The following FOXP2 variants were observed in gnomAD, a reference collection of about 807,000 sequenced individuals.
The protein encoded by FOXP2 is forkhead box P2, also known as forkhead box protein P2.
In FOXP2, 12 loss-of-function variants were observed where a neutral mutation model predicts 115.8. The observed-to-expected ratio is 0.10, with a 90% confidence interval of 0.07 to 0.17. FOXP2 has a LOEUF of 0.17. Ranked by LOEUF, FOXP2 falls within the 10% of genes least tolerant of loss-of-function variation. FOXP2 has a pLI of 1.00. For missense variants in FOXP2, 629 were observed against 843.5 expected, an observed-to-expected ratio of 0.75 and a Z score of 3.15; for synonymous variants, 328 against 297.7, an observed-to-expected ratio of 1.10 and a Z score of -1.05.
intron 2 of FOXP2, among the ~76,000 whole-genome samples, chr7:114,530,112 A>G (rs1218935818): frequency 6.6e-6 from 1 of 151,884 alleles, no homozygotes; most frequent in Non-Finnish European, 1.5e-5. Flanking sequence ...ACCCCTTGTC[A>G]GTATAACTAG....
chr7:114,184,973 C>T (rs1793553961), intron 1 of FOXP2, among the ~76,000 whole-genome samples: 1 of 152,104 alleles, frequency 6.6e-6, no homozygotes. Context: ...TGTTGACTGT[C>T]CTATGTTACG....
At chr7:114,474,084 G>T (rs1251371629) in intron 2 of FOXP2, among the ~76,000 whole-genome samples, 1 of 152,162 alleles carries the variant, frequency 6.6e-6, no homozygotes, top group African/African-American at 2.4e-5. Flanking sequence ...ACATAAGGTA[G>T]ATATAAACCT....
rs1219589831 is a variant in FOXP2 at position 114,652,235 on chromosome 7, G to A, written c.1127G>A (p.Arg376Gln). 1 of 1,612,858 alleles carries A rather than the reference G, an allele frequency of 6.2e-7. No homozygotes were observed. The highest frequency in any genetic ancestry group is 1.3e-5 in the African/African-American group (1 of 74,806). Residue 376 changes from arginine to glutamine, a missense_variant, in exon 9 of 17, where the codon CGA (arginine) becomes CAA (glutamine). Physicochemically the swap from Arg to Gln is conservative, Grantham distance 43. This residue lies in a region of FOXP2 where 24 missense variants were observed against 76.3 expected (regional missense o/e 0.31). Coordinates refer to ENST00000350908, the MANE Select transcript of FOXP2 (RefSeq NM_014491.4). Reference sequence around the variant, plus strand: ...AACAATGAACACGCATTGGATGACCGAAGCACTGCTCAGTGTCGAGTGCAA... The same window carrying A: ...AACAATGAACACGCATTGGATGACCAAAGCACTGCTCAGTGTCGAGTGCAA... ...HLNNEHALDD[R>Q]STAQCRVQMQ...
chr7:114,344,036 A>G (rs1791277909), intron 2 of FOXP2, among the ~76,000 whole-genome samples: 1 of 151,036 alleles, frequency 6.6e-6, no homozygotes, highest in African/African-American at 2.4e-5. Context: ...AACAGCAGTG[A>G]TTTTTGTCTG....
chr7:114,479,378 G>A (rs1286746421), intron 2 of FOXP2, among the ~76,000 whole-genome samples: 1 of 151,462 alleles, frequency 6.6e-6, no homozygotes, highest in Non-Finnish European at 1.5e-5. Context: ...TAGAAATGCT[G>A]TGTGTTACGC....
At chr7:114,333,259 T>G (rs1474598623) in intron 2 of FOXP2, among the ~76,000 whole-genome samples, 5 of 152,220 alleles carry the variant, frequency 3.3e-5, no homozygotes, top group Non-Finnish European at 5.9e-5. Context: ...GAAGAATTGT[T>G]AACCAGCTGG....
chr7:114,183,234 A>C (rs1793502736), intron 1 of FOXP2, among the ~76,000 whole-genome samples: 1 of 152,212 alleles, frequency 6.6e-6, no homozygotes, highest in Admixed American at 6.6e-5. Flanking sequence ...TTTTTAATCT[A>C]TGCAATAATC....
intron 1 of FOXP2, among the ~76,000 whole-genome samples, chr7:114,116,896 A>G (rs1196191402): frequency 1.3e-5 from 2 of 152,146 alleles, no homozygotes; most frequent in African/African-American, 4.8e-5. Context: ...CTGAATCTCA[A>G]GTCCCACCCA....
At chr7:114,381,117 T>C (rs1222541371) in intron 2 of FOXP2, among the ~76,000 whole-genome samples, 1 of 152,256 alleles carries the variant, frequency 6.6e-6, no homozygotes, top group Non-Finnish European at 1.5e-5. Context: ...GTCATACCTG[T>C]GAATCCATAT....
At chr7:114,598,536 A>G (rs1693681086) in intron 3 of FOXP2, among the ~76,000 whole-genome samples, 1 of 151,950 alleles carries the variant, frequency 6.6e-6, no homozygotes, top group South Asian at 2.1e-4. Context: ...TATGTTATTT[A>G]GATTCACCTA....
chr7:114,440,481 C>G (rs541909926), intron 2 of FOXP2, among the ~76,000 whole-genome samples: 1 of 151,972 alleles, frequency 6.6e-6, no homozygotes, highest in Non-Finnish European at 1.5e-5. Flanking sequence ...TTCCTGAAGT[C>G]GTTATATTAT....
chr7:114,617,661 C>T lies in FOXP2; in HGVS notation c.259-10879C>T, dbSNP rs192125550. On this transcript the variant is annotated intron_variant, in intron 3 of 16. Coordinates refer to ENST00000350908, the MANE Select transcript of FOXP2 (RefSeq NM_014491.4). The stretch of plus-strand genomic sequence containing the variant: ...TACAAAAATTAGCCAGGCATGATGG[C>T]GGGTGCCTGTAATCCCAGCTATTCC... Among the ~76,000 whole-genome samples, 238 of 152,240 alleles carry T rather than the reference C, an allele frequency of 1.6e-3. 1 individual carries two copies. The highest frequency in any genetic ancestry group is 2.7e-3 in the Non-Finnish European group (185 of 68,018).
At chr7:114,247,202 G>T (rs1470141961) in intron 1 of FOXP2, among the ~76,000 whole-genome samples, 1 of 152,052 alleles carries the variant, frequency 6.6e-6, no homozygotes, top group East Asian at 1.9e-4. Flanking sequence ...GTGTAATACA[G>T]GTTTGTTCTT....
intron 3 of FOXP2, among the ~76,000 whole-genome samples, chr7:114,589,309 T>C (rs1439579807): frequency 6.6e-6 from 1 of 152,168 alleles, no homozygotes; most frequent in Non-Finnish European, 1.5e-5. Context: ...TTAATATGAT[T>C]AGTATGTGAA....
intron 2 of FOXP2, among the ~76,000 whole-genome samples, chr7:114,458,957 G>T (rs73434183): frequency 0.011 from 1,687 of 152,164 alleles, 15 homozygotes; most frequent in Middle Eastern, 0.031. Context: ...GGTCACTCAC[G>T]TGGTGGCTGG....
chr7:114,614,102 C>T (rs1803789570), intron 3 of FOXP2, among the ~76,000 whole-genome samples: 1 of 152,114 alleles, frequency 6.6e-6, no homozygotes, highest in African/African-American at 2.4e-5. Flanking sequence ...AGTAGAATTC[C>T]TAGGTCAAAG....
At chr7:114,680,115 A>C (rs951166185) in intron 16 of FOXP2, among the ~76,000 whole-genome samples, 3 of 152,188 alleles carry the variant, frequency 2.0e-5, no homozygotes, top group African/African-American at 7.2e-5. Flanking sequence ...ATTACTCAAT[A>C]CTTCTTTTCC....
intron 2 of FOXP2, among the ~76,000 whole-genome samples, chr7:114,479,376 CTG>C (rs1326221204): frequency 6.6e-6 from 1 of 151,388 alleles, no homozygotes; most frequent in Non-Finnish European, 1.5e-5. Context: ...ATTAGAAATG[CTG>C]TGTGTTACGC....
rs1584472623 is a variant in FOXP2, at chr7:114,090,450, C to G, written c.-247+2612C>G. Among the ~76,000 whole-genome samples, 6 of 151,932 alleles carry G rather than the reference C, an allele frequency of 3.9e-5. No individual in the cohort carries two copies. In the South Asian group the frequency reaches 1.0e-3, roughly 26 times the overall value. The stretch of plus-strand genomic sequence containing the variant: ...CTCTTTGATAAAAGAAAGCCTGTAT[C>G]TTAAAATTGGCCTAATGAGAGTTTA... On this transcript the variant is annotated intron_variant, in intron 1 of 19. Coordinates refer to the FOXP2 transcript ENST00000635638.
Sources: gnomAD v4.1 joint callset for allele counts (sites outside exome capture counted in the v4.1 genomes callset) on GRCh38, gnomAD v4.1.1 for gene constraint, gnomAD v4.1.1 regional missense constraint, MANE v1.5 for transcripts, NCBI Gene and HGNC (gene_info 2026-07-23, HGNC 2026-07-21) for gene names.